MICAL3: variants seen among roughly 807,000 people sequenced by gnomAD.
MICAL3 encodes the protein microtubule associated monooxygenase, calponin and LIM domain containing 3.
Under a neutral mutation model 207.4 loss-of-function variants are expected in MICAL3, and 62 were observed. The ratio of observed to expected loss-of-function variants is 0.30; its 90% CI spans 0.24 to 0.37. The LOEUF (loss-of-function observed/expected upper bound fraction) is 0.37, where lower values mean the gene tolerates loss of function less well. Ranked by LOEUF, MICAL3 falls within the 10% of genes least tolerant of loss-of-function variation. The probability of loss-of-function intolerance (pLI) is 1.00; values close to 1 mark genes in which losing one functional copy is unlikely to be tolerated. For missense variants in MICAL3, 2,368 were observed against 2,635.6 expected, an observed-to-expected ratio of 0.90 and a Z score of 2.22; for synonymous variants, 1,077 against 1,069.3, an observed-to-expected ratio of 1.01 and a Z score of -0.14.
chr22:17,896,338 T>C lies in MICAL3; in HGVS notation c.1230A>G (p.Gly410=). 1.3e-6 allele frequency: 2 copies of C among 1,556,990 alleles called. No homozygotes were observed. The highest frequency in any genetic ancestry group is 1.7e-6 in the Non-Finnish European group (2 of 1,149,674). ...TAGCAGCTAGAAAGCCCCGGGCTAT[T>C]CCTGTTCCCATTGGCCAGAAAGGCT... ...LLEPFWPMGT[G]IARGFLAAMD... Residue 410 remains glycine (G), a synonymous_variant, in exon 9 of 32, where the codon GGA becomes GGG. Transcript: ENST00000441493.
chr22:18,008,137 G>A (rs1923519617), intron 1 of MICAL3, among the ~76,000 whole-genome samples: 1 of 152,042 alleles, frequency 6.6e-6, no homozygotes, highest in Non-Finnish European at 1.5e-5. Context: ...CTACTCAGGA[G>A]GCTGAGGCAG....
At chr22:17,868,967 C>T (rs1405560994) in intron 17 of MICAL3, among the ~76,000 whole-genome samples, 2 of 152,196 alleles carry the variant, frequency 1.3e-5, no homozygotes, top group Non-Finnish European at 2.9e-5. Context: ...GGGCAGCTGC[C>T]TTCTATCAAA....
At chr22:17,986,259 G>T (rs1425318008) in intron 1 of MICAL3, among the ~76,000 whole-genome samples, 1 of 152,184 alleles carries the variant, frequency 6.6e-6, no homozygotes, top group Non-Finnish European at 1.5e-5. Context: ...AGTGGCTTAT[G>T]CGTGTAATCC....
chr22:17,893,835 G>A lies in MICAL3; in HGVS notation c.1519C>T (p.Arg507Ter), dbSNP rs571534921. ...HLEMESLVNS[R>*]TTPKLTRNES... ...TTGCGAGTCAATTTGGGGGTGGTTC[G>A]GGAATTCACCAGGCTCTCCATTTCC... Residue 507 changes from arginine to a stop codon, truncating the protein, a stop_gained, in exon 11 of 32, where the codon CGA (arginine) becomes TGA (stop). Coordinates refer to ENST00000441493, the MANE Select transcript of MICAL3 (RefSeq NM_015241.3). LOFTEE classifies it high-confidence loss of function. 6 of 1,577,706 alleles carry A rather than the reference G, an allele frequency of 3.8e-6. No homozygotes were observed. The highest frequency in any genetic ancestry group is 2.3e-5 in the South Asian group (2 of 85,922).
rs1246105024 is a variant in MICAL3, at chr22:17,819,078, C to T, written c.3583G>A (p.Glu1195Lys). The change falls in exon 26 of 32, where the codon GAG becomes AAG. Residue 1195 changes from glutamate to lysine, a missense_variant. Glu to Lys is a moderately conservative substitution (Grantham distance 56). Around this residue, in one of 4 missense-constraint regions of MICAL3, gnomAD observed 1,770 missense variants for 1,863.2 expected, o/e 0.95. Coordinates refer to ENST00000441493, the MANE Select transcript of MICAL3 (RefSeq NM_015241.3). ...PAATQEKSPEERLFPEPLLPK... is the reference protein window; with the variant it reads ...PAATQEKSPEKRLFPEPLLPK... ...AGCAAAGGCTCAGGGAAAAGGCGCTCCTCAGGTGATTTCTCCTGGGTGGCG... is the reference window on the plus strand; with the variant it reads ...AGCAAAGGCTCAGGGAAAAGGCGCTTCTCAGGTGATTTCTCCTGGGTGGCG... 9 of 1,538,968 alleles carry T rather than the reference C, an allele frequency of 5.8e-6. No homozygotes were observed. In the East Asian group the frequency reaches 1.6e-4, roughly 27 times the overall value.
At chr22:17,852,866 G>A (rs1462652519) in intron 19 of MICAL3, among the ~76,000 whole-genome samples, 1 of 152,212 alleles carries the variant, frequency 6.6e-6, no homozygotes, top group Non-Finnish European at 1.5e-5. Context: ...CCTGAGGTCA[G>A]GAGTTCAAGA....
chr22:17,938,740 C>T (rs1933668142), intron 1 of MICAL3, among the ~76,000 whole-genome samples: 1 of 152,174 alleles, frequency 6.6e-6, no homozygotes, highest in Admixed American at 6.5e-5. Context: ...TCAGCCCACC[C>T]TCCTCCACAC....
In MICAL3 at chr22:17,891,598, C is replaced by G; in HGVS notation, c.1581G>C (p.Trp527Cys). 6.2e-7 allele frequency: 1 copy of G among 1,614,002 alleles called. No individual in the cohort carries two copies. The highest frequency in any genetic ancestry group is 8.5e-7 in the Non-Finnish European group (1 of 1,179,892). Residue 527 changes from tryptophan (W) to cysteine (C), a missense_variant, in exon 12 of 32, where the codon TGG becomes TGC. Trp to Cys is a radical substitution (Grantham distance 215). Transcript: ENST00000441493. Reference sequence around the variant, plus strand: ...CATAGCCATCTGTCTGCCTCTGGCACCAACCCAGCAGTTTGCTTGAACGAG... The same window carrying G: ...CATAGCCATCTGTCTGCCTCTGGCAGCAACCCAGCAGTTTGCTTGAACGAG... ...SVARSSKLLG[W>C]CQRQTDGYAG...
rs901728677 is a variant in MICAL3 at position 17,793,493 on chromosome 22, G to A, written c.5651-2192C>T. Among the ~76,000 whole-genome samples, 2 of 152,202 alleles carry A rather than the reference G, an allele frequency of 1.3e-5. No homozygotes were observed. The highest frequency in any genetic ancestry group is 6.5e-5 in the Admixed American group (1 of 15,280). On this transcript the variant is annotated intron_variant, in intron 29 of 31. Transcript: ENST00000441493. This position sits in a 1 kb window ranked among gnomAD's most constrained non-coding sequence, Gnocchi z 4.1. ...GGCCAGCCAATGCTGCAGCCCTGAA[G>A]GACCCAGACCTGGAGGCTCTCTGGC...
chr22:17,881,338 C>T (rs548026402), intron 16 of MICAL3: 1 of 1,544,316 alleles, frequency 6.5e-7, no homozygotes, highest in African/African-American at 1.4e-5. Context: ...GAGAGAACAT[C>T]ATTCAAACAG....
chr22:17,946,513 T>C (rs425557), intron 1 of MICAL3, among the ~76,000 whole-genome samples: 42,328 of 152,026 alleles, frequency 0.28, 6,262 homozygotes, highest in East Asian at 0.52. Context: ...CGAGCCTCTG[T>C]GAGAACACCC....
Position 17,793,693 on chromosome 22 carries a change from G to A in MICAL3, c.5651-2392C>T, listed in dbSNP as rs1207766579. 2 of 152,428 alleles carry A rather than the reference G, an allele frequency of 1.3e-5. No homozygotes were observed. Among genetic ancestry groups the A allele is most frequent in the East Asian group, 1.9e-4 (1 of 5,186 alleles). The allele number at this position is 152,428 out of a possible 1,614,324, so 9.4% of individuals were successfully genotyped here. A position where few individuals can be genotyped will look rare whatever the true frequency, so the allele number is the denominator to read the frequency against. On this transcript the variant is annotated intron_variant, in intron 29 of 31. Coordinates refer to ENST00000441493, the MANE Select transcript of MICAL3 (RefSeq NM_015241.3). This position sits in a 1 kb window ranked among gnomAD's most constrained non-coding sequence, Gnocchi z 4.1. ...TGACTAGTGTTGCTACACCCCCTCC[G>A]AGGCAGTGGGGATGGGGTTGGCGAG...
intron 22 of MICAL3, among the ~76,000 whole-genome samples, chr22:17,824,308 A>G (rs1235536213): frequency 1.3e-5 from 2 of 152,280 alleles, no homozygotes; most frequent in African/African-American, 4.8e-5. Flanking sequence ...CATATACAAG[A>G]GTCCGCACGG....
intron 1 of MICAL3, among the ~76,000 whole-genome samples, chr22:17,960,204 T>C (rs1292306936): frequency 6.6e-6 from 1 of 152,208 alleles, no homozygotes; most frequent in Non-Finnish European, 1.5e-5. Context: ...CATCTCTTCA[T>C]GGGTGCTGTT....
At chr22:17,791,370 G>C in intron 29 of MICAL3, 69 bp from the exon 30 acceptor site, 3 of 1,324,088 alleles carry the variant, frequency 2.3e-6, no homozygotes, top group Non-Finnish European at 3.2e-6. Flanking sequence ...GAATCACACG[G>C]GGCAAATGTG....
chr22:17,829,895 C>T (rs1601995252), intron 21 of MICAL3, among the ~76,000 whole-genome samples: 1 of 52,658 alleles, frequency 1.9e-5, no homozygotes, highest in South Asian at 4.2e-4. Flanking sequence ...TTGCGCCTGA[C>T]TGTCTGGGCA....
intron 19 of MICAL3, among the ~76,000 whole-genome samples, chr22:17,853,903 G>A (rs761931645): frequency 1.5e-4 from 23 of 152,194 alleles, no homozygotes; most frequent in Admixed American, 3.3e-4. Context: ...TGCAGTCTTC[G>A]TACAGGGTCC....
chr22:17,925,140 A>G (rs1485613108), intron 1 of MICAL3, among the ~76,000 whole-genome samples: 1 of 152,058 alleles, frequency 6.6e-6, no homozygotes, highest in Admixed American at 6.6e-5. Flanking sequence ...TTCCAACCAC[A>G]CTAGGTGCCG....
chr22:17,892,840 C>T (rs114067123), intron 11 of MICAL3, among the ~76,000 whole-genome samples: 1,825 of 152,270 alleles, frequency 0.012, 39 homozygotes, highest in African/African-American at 0.04. Flanking sequence ...CCCTCTCAGC[C>T]CTCCCTCTGC....
Sources: gnomAD v4.1 joint callset for allele counts (sites outside exome capture counted in the v4.1 genomes callset) on GRCh38, gnomAD v4.1.1 for gene constraint, gnomAD v4.1.1 regional missense constraint, Gnocchi (gnomAD v3.1) non-coding constraint, MANE v1.5 for transcripts, NCBI Gene and HGNC (gene_info 2026-07-23, HGNC 2026-07-21) for gene names.